The following MLLT10 variants were observed in gnomAD, a reference collection of about 807,000 sequenced individuals.
MLLT10 encodes the protein protein AF-10.
MLLT10 carries 30 observed loss-of-function variants against 129.1 expected under a neutral mutation model. The observed-to-expected ratio is 0.23, with a 90% CI of 0.17 to 0.32. The LOEUF (loss-of-function observed/expected upper bound fraction) is 0.32. MLLT10 is among the 10% of genes least tolerant of loss of function. The pLI, the probability that MLLT10 is intolerant of heterozygous loss-of-function variation, is 1.00. For synonymous variants in MLLT10, 490 were observed against 446.4 expected, an observed-to-expected ratio of 1.10 and a Z score of -1.23; for missense variants, 1,119 against 1,268.3, an observed-to-expected ratio of 0.88 and a Z score of 1.79.
At chr10:21,594,170 G>C (rs2042787142) in intron 4 of MLLT10, among the ~76,000 whole-genome samples, 1 of 151,972 alleles carries the variant, frequency 6.6e-6, no homozygotes, top group South Asian at 2.1e-4. Flanking sequence ...TGTTGCATCT[G>C]AAACGAGAGG....
chr10:21,735,259 T>C (rs1247756168), intron 21 of MLLT10, 24 bp downstream of exon 21: 3 of 1,518,140 alleles, frequency 2.0e-6, no homozygotes, highest in Non-Finnish European at 1.8e-6. Flanking sequence ...TTTGATAATA[T>C]CTTATTAGGA....
At chr10:21,606,846 G>C (rs2044116246) in intron 5 of MLLT10, among the ~76,000 whole-genome samples, 1 of 152,220 alleles carries the variant, frequency 6.6e-6, no homozygotes, top group South Asian at 2.1e-4. Flanking sequence ...TGGCAGCAAG[G>C]TTTGAGAGAA....
chr10:21,715,774 A>G (rs1589784860), intron 14 of MLLT10, among the ~76,000 whole-genome samples: 1 of 152,250 alleles, frequency 6.6e-6, no homozygotes, highest in African/African-American at 2.4e-5. Flanking sequence ...TCAACTGAAG[A>G]ACAAAGAAAT....
chr10:21,545,419 A>G (rs2035913489), intron 3 of MLLT10, among the ~76,000 whole-genome samples: 1 of 152,086 alleles, frequency 6.6e-6, no homozygotes, highest in Non-Finnish European at 1.5e-5. Flanking sequence ...GGAACGCTGA[A>G]GGACTAAGAA....
Position 21,647,893 on chromosome 10 carries a change from G to A in MLLT10, c.700-3780G>A, listed in dbSNP as rs958035077. Among the ~76,000 whole-genome samples, 20 of 149,888 alleles carry A rather than the reference G, an allele frequency of 1.3e-4. 1 individual carries two copies. The highest frequency in any genetic ancestry group is 3.4e-4 in the African/African-American group (14 of 40,842). ...TCCCTTTCTGTTTTTTTTATTTTTT[G>A]GGGGGGAGGTTAGAAAAGTCTTTCC... On this transcript the variant is annotated intron_variant, in intron 8 of 22. Transcript: ENST00000307729.
At position 21,727,918 on chromosome 10, in the gene MLLT10, C is replaced by A. The variant is rs2057649903; in HGVS notation, c.2053C>A (p.Leu685Ile). The A allele has an allele frequency of 1.2e-6, 2 of 1,613,822 alleles. No homozygotes were observed. The highest frequency in any genetic ancestry group is 1.7e-6 in the Non-Finnish European group (2 of 1,179,940). ...VGRGSSPRGSLSPRSPVSSLQ... is the reference protein window; with the variant it reads ...VGRGSSPRGSISPRSPVSSLQ... ...CAGAGGAAGCTCACCCCGAGGAAGT[C>A]TCTCGCCACGGTAAGCGCTATTTAC... The change falls in exon 16 of 23, where the codon CTC (leucine) becomes ATC (isoleucine). Residue 685 changes from leucine (L) to isoleucine (I), a missense_variant. Physicochemically the swap from Leu to Ile is conservative, Grantham distance 5. Around this residue, in one of 5 missense-constraint regions of MLLT10, gnomAD observed 1,004 missense variants for 1,008.7 expected, o/e 1.00. Transcript: ENST00000307729.
chr10:21,642,869 T>C (rs1038395280), intron 8 of MLLT10, among the ~76,000 whole-genome samples: 12 of 152,216 alleles, frequency 7.9e-5, no homozygotes, highest in African/African-American at 2.9e-4. Flanking sequence ...ATCAGGACTT[T>C]GTCAGCAAGA....
intron 13 of MLLT10, among the ~76,000 whole-genome samples, chr10:21,699,127 G>A (rs1409161341): frequency 1.3e-5 from 2 of 151,998 alleles, no homozygotes; most frequent in Admixed American, 6.6e-5. Flanking sequence ...CACCCGCCTC[G>A]GCCTCCCAAA....
At chr10:21,676,399 C>A (rs1390462918) in intron 11 of MLLT10, among the ~76,000 whole-genome samples, 2 of 150,498 alleles carry the variant, frequency 1.3e-5, no homozygotes, top group Non-Finnish European at 3.0e-5. Context: ...GCCTGGGCGA[C>A]AGAGCGAGAC....
intron 15 of MLLT10, among the ~76,000 whole-genome samples, chr10:21,726,928 G>C (rs1589846356): frequency 2.0e-5 from 3 of 152,150 alleles, no homozygotes; most frequent in Non-Finnish European, 4.4e-5. Context: ...AATTTCTGCA[G>C]TGTTTAGTAA....
chr10:21,600,797 C>T (rs1188444292), intron 5 of MLLT10, among the ~76,000 whole-genome samples: 1 of 152,160 alleles, frequency 6.6e-6, no homozygotes, highest in Non-Finnish European at 1.5e-5. Context: ...TTTGACTTCT[C>T]TCTGCTGTCT....
intron 8 of MLLT10, among the ~76,000 whole-genome samples, chr10:21,639,320 T>G (rs1410591030): frequency 6.6e-6 from 1 of 152,152 alleles, no homozygotes; most frequent in African/African-American, 2.4e-5. Context: ...TTACACAGGT[T>G]GGGAACTCAG....
chr10:21,606,733 A>C (rs762776410), intron 5 of MLLT10, among the ~76,000 whole-genome samples: 1 of 152,206 alleles, frequency 6.6e-6, no homozygotes, highest in Admixed American at 6.5e-5. Context: ...TGAACAAAGA[A>C]AGTGCTTTCT....
rs553923825 is a variant in MLLT10 at position 21,562,478 on chromosome 10, C to T, written c.240+23566C>T. Among the ~76,000 whole-genome samples, 6 of 151,782 alleles carry T rather than the reference C, an allele frequency of 4.0e-5. No individual in the cohort carries two copies. The South Asian group carries it at 1.0e-3, about 26-fold the overall frequency. ...TCAGCCTCCCAAGCAGCTGAGATTACAGGTGCCCGCCATCACGCCCGGCTA... is the reference window on the plus strand; with the variant it reads ...TCAGCCTCCCAAGCAGCTGAGATTATAGGTGCCCGCCATCACGCCCGGCTA... On this transcript the variant is annotated intron_variant, in intron 3 of 22. Transcript: ENST00000307729.
intron 13 of MLLT10, among the ~76,000 whole-genome samples, chr10:21,686,428 T>G (rs1052393967): frequency 1.3e-5 from 2 of 152,176 alleles, no homozygotes; most frequent in Non-Finnish European, 1.5e-5. Flanking sequence ...TTTTTAAATT[T>G]CTTAAATTTC....
intron 9 of MLLT10, among the ~76,000 whole-genome samples, chr10:21,654,635 T>C (rs1315529541): frequency 6.6e-6 from 1 of 152,218 alleles, no homozygotes; most frequent in Non-Finnish European, 1.5e-5. Context: ...TGGGCAAGAC[T>C]TAAAGGTGAG....
rs1251409931 is a variant in MLLT10 at position 21,732,972 on chromosome 10, G to C, written c.2292G>C (p.Leu764Phe). The C allele has an allele frequency of 6.2e-7, 1 of 1,613,948 alleles. No individual in the cohort carries two copies. The highest frequency in any genetic ancestry group is 2.2e-5 in the East Asian group (1 of 44,824). ...NRRLEEQIKN[L>F]TAKKERLQLL... ...GATTAGAGGAACAAATTAAAAACTT[G>C]ACTGCCAAAAAGGAACGGCTTCAGT... The change falls in exon 18 of 23, where the codon TTG (leucine) becomes TTC (phenylalanine). Residue 764 changes from leucine (L) to phenylalanine (F), a missense_variant. Leu to Phe is a conservative substitution (Grantham distance 22). This residue lies in a region of MLLT10 where 1,004 missense variants were observed against 1,008.7 expected (regional missense o/e 1.00). Transcript: ENST00000307729.
intron 10 of MLLT10, among the ~76,000 whole-genome samples, chr10:21,672,171 G>GTA (rs1462407567): frequency 7.4e-6 from 1 of 134,296 alleles, no homozygotes; most frequent in African/African-American, 2.8e-5. Flanking sequence ...GGTTTTCAGT[G>GTA]TGTGTGTGTG....
chr10:21,617,697 T>A (rs1589253030), intron 8 of MLLT10, among the ~76,000 whole-genome samples: 1 of 152,210 alleles, frequency 6.6e-6, no homozygotes, highest in South Asian at 2.1e-4. Flanking sequence ...TGTCTTTTAA[T>A]TAAAACACTA....
Sources: allele counts gnomAD v4.1 joint callset (sites outside exome capture counted in the v4.1 genomes callset), GRCh38; gene constraint gnomAD v4.1.1; regional missense constraint gnomAD v4.1.1; transcripts MANE v1.5; gene names NCBI Gene and HGNC (gene_info 2026-07-23, HGNC 2026-07-21).